Variants in RNF17 observed in about 807,000 individuals in gnomAD.
RNF17 encodes the protein ring finger protein 17, also known as spermatogenesis associated 23.
RNF17 carries 31 observed loss-of-function variants against 200.5 expected under a neutral mutation model. The observed-to-expected ratio is 0.15, with a 90% CI of 0.12 to 0.21. The LOEUF is 0.21. Ranked by LOEUF, RNF17 falls within the 10% of genes least tolerant of loss-of-function variation. The pLI is 1.00. For missense variants in RNF17, 1,628 were observed against 1,905.1 expected, an observed-to-expected ratio of 0.85 and a Z score of 2.71; for synonymous variants, 606 against 637.8, an observed-to-expected ratio of 0.95 and a Z score of 0.75.
intron 14 of RNF17, chr13:24,804,011 C>T (rs1414109702): frequency 2.9e-6 from 1 of 341,806 alleles, no homozygotes; most frequent in Admixed American, 5.1e-5. Context: ...GTGGCTTACA[C>T]TTGTATCCCA....
chr13:24,871,336 G>A (rs912855732), intron 32 of RNF17, among the ~76,000 whole-genome samples: 1 of 152,124 alleles, frequency 6.6e-6, no homozygotes. Context: ...TGTAGTCAGT[G>A]TTTTGTTTGT....
intron 1 of RNF17, among the ~76,000 whole-genome samples, chr13:24,766,159 G>A (rs942977418): frequency 6.6e-6 from 1 of 152,218 alleles, no homozygotes. Context: ...GAACTCAGGA[G>A]GCAGAGTTGG....
At chr13:24,753,659 A>C in the RNF17 span, among the ~76,000 whole-genome samples, 1 of 152,182 alleles carries the variant, frequency 6.6e-6, no homozygotes, top group African/African-American at 2.4e-5. Flanking sequence ...GTGGAGCAAA[A>C]GGTTGTGGAT....
chr13:24,796,519 CCATTATGTAGTAG>C (rs1470567937), intron 11 of RNF17, among the ~76,000 whole-genome samples: 1 of 152,102 alleles, frequency 6.6e-6, no homozygotes, highest in African/African-American at 2.4e-5. Context: ...TACAGAAACT[CCATTATGTAGTAG>C]GGCGAATTTC....
chr13:24,881,591 T>A (rs145829488), downstream of RNF17, among the ~76,000 whole-genome samples: 1,037 of 151,786 alleles, frequency 6.8e-3, 12 homozygotes, highest in African/African-American at 0.024. Flanking sequence ...TAAGGATATA[T>A]AGATATATCT....
At chr13:24,796,413 A>G (rs1884578179) in intron 11 of RNF17, 118 bp downstream of exon 11, 1 of 592,850 alleles carries the variant, frequency 1.7e-6, no homozygotes, top group Non-Finnish European at 2.6e-6. Context: ...ATTTGTAGTA[A>G]GCATAAAAGT....
downstream of RNF17, chr13:24,883,251 C>T (rs761333511): frequency 6.2e-7 from 1 of 1,614,088 alleles, no homozygotes. Flanking sequence ...TACTTCGTTT[C>T]TTGATGACCG....
chr13:24,882,151 G>GATAT (rs1555294188), downstream of RNF17: 294 of 1,592 alleles, frequency 0.18, 101 homozygotes, highest in Middle Eastern at 1. Context: ...CATCTATATA[G>GATAT]ATAGATACAT....
At chr13:24,780,806 C>T (rs550102598) in intron 5 of RNF17, among the ~76,000 whole-genome samples, 173 of 152,002 alleles carry the variant, frequency 1.1e-3, no homozygotes, top group African/African-American at 3.9e-3. Flanking sequence ...CGCTTGAACC[C>T]GGGAGACGGA....
intron 33 of RNF17, among the ~76,000 whole-genome samples, chr13:24,876,520 G>A (rs1337054791): frequency 1.3e-5 from 2 of 152,320 alleles, no homozygotes; most frequent in Middle Eastern, 3.4e-3. Context: ...CATAGTGGCT[G>A]CGCCATTTTA....
Position 24,879,267 on chromosome 13 carries a change from T to C in RNF17, c.4854T>C (p.Leu1618=). 6.2e-7 allele frequency: 1 copy of C among 1,611,660 alleles called. No individual in the cohort carries two copies. The highest frequency in any genetic ancestry group is 8.5e-7 in the Non-Finnish European group (1 of 1,177,776). ...ATATGCCGTTGGTAGAAATGGGGCT[T>C]GCAGATAAAGATGAATAAGTGCCTA... ...PVHMPLVEMG[L]ADKDE is the part of the protein sequence containing the mutation. The change falls in exon 35 of 36, where the codon CTT becomes CTC. Residue 1618 remains leucine (L), a synonymous_variant. Coordinates refer to ENST00000255324, the MANE Select transcript of RNF17 (RefSeq NM_031277.3).
chr13:24,844,844 A>G, intron 21 of RNF17, 42 bp downstream of exon 21: 1 of 1,591,120 alleles, frequency 6.3e-7, no homozygotes, highest in Non-Finnish European at 8.6e-7. Context: ...AGGTGAATGA[A>G]TGCATTTTGT....
In RNF17 at chr13:24,804,291, T is replaced by C; in HGVS notation, c.1953T>C (p.Phe651=). Reference sequence around the variant, plus strand: ...TTTTCATTATGCTTTTAATTAGGTTTAAGTCACAATCACTAAGAAGTCACT... The same window carrying C: ...TTTTCATTATGCTTTTAATTAGGTTCAAGTCACAATCACTAAGAAGTCACT... The part of the protein sequence containing the change: ...DALVFMELAK[F]KSQSLRSHFE... Residue 651 remains phenylalanine, a synonymous_variant, in exon 15 of 36, where the codon TTT becomes TTC. Transcript: ENST00000255324. 6.2e-7 allele frequency: 1 copy of C among 1,612,326 alleles called. No individual in the cohort carries two copies. The highest frequency in any genetic ancestry group is 1.1e-5 in the South Asian group (1 of 90,902).
chr13:24,840,186 TC>T (rs1316535100), intron 18 of RNF17, among the ~76,000 whole-genome samples: 2 of 152,142 alleles, frequency 1.3e-5, no homozygotes, highest in Admixed American at 1.3e-4. Context: ...TGCCACCTCC[TC>T]ACTCCTGCAG....
Position 24,793,145 on chromosome 13 carries a change from A to G in RNF17, c.1039A>G (p.Lys347Glu), listed in dbSNP as rs777005165. 1.9e-6 allele frequency: 3 copies of G among 1,614,076 alleles called. No individual in the cohort carries two copies. Among genetic ancestry groups the G allele is most frequent in the Non-Finnish European group, 2.5e-6 (3 of 1,179,960 alleles). ...YDTYPPLEKK[K>E]VDMSVLTSEA... ...TACATACCCACCGCTAGAAAAGAAA[A>G]AGGTTGACATGTCTGTCCTAACCAG... Residue 347 changes from lysine (K) to glutamate (E), a missense_variant, in exon 10 of 36, where the codon AAG becomes GAG. Coordinates refer to ENST00000255324, the MANE Select transcript of RNF17 (RefSeq NM_031277.3).
intron 11 of RNF17, among the ~76,000 whole-genome samples, chr13:24,797,397 CTTCATCATGAAGAACAGTAAAT>C (rs1239849276): frequency 1.3e-5 from 2 of 152,114 alleles, no homozygotes; most frequent in Non-Finnish European, 2.9e-5. Context: ...TGCCTCTGTA[CTTCATCATGAAGAACAGTAAAT>C]GGCTTCAGCA....
intron 25 of RNF17, among the ~76,000 whole-genome samples, chr13:24,855,208 T>G (rs1458717075): frequency 6.6e-6 from 1 of 152,202 alleles, no homozygotes; most frequent in Non-Finnish European, 1.5e-5. Flanking sequence ...TCGGTATCTG[T>G]TCTATTGATA....
rs138150064 is a variant in RNF17 at position 24,777,868 on chromosome 13, A to G, written c.318-427A>G. On this transcript the variant is annotated intron_variant, in intron 3 of 35. Coordinates refer to ENST00000255324, the MANE Select transcript of RNF17 (RefSeq NM_031277.3). ...ATGGTTAATTGGTAATTCACTGTACATGTTCTTATAAGTCATTATATGAAT... is the reference window on the plus strand; with the variant it reads ...ATGGTTAATTGGTAATTCACTGTACGTGTTCTTATAAGTCATTATATGAAT... Among the ~76,000 whole-genome samples the G allele has an allele frequency of 3.0e-3, 455 of 152,334 alleles. 7 individuals carry two copies. Among genetic ancestry groups the G allele is most frequent in the African/African-American group, 0.01 (417 of 41,576 alleles).
At chr13:24,836,247 G>A (rs1471775602) in intron 18 of RNF17, among the ~76,000 whole-genome samples, 1 of 152,204 alleles carries the variant, frequency 6.6e-6, no homozygotes, top group South Asian at 2.1e-4. Context: ...TAGAGACCTG[G>A]ACATCCAAAT....
Sources: allele counts gnomAD v4.1 joint callset (sites outside exome capture counted in the v4.1 genomes callset), GRCh38; gene constraint gnomAD v4.1.1; transcripts MANE v1.5; gene names NCBI Gene and HGNC (gene_info 2026-07-23, HGNC 2026-07-21).